FRMPD4: variants seen among roughly 807,000 people sequenced by gnomAD.
FRMPD4 encodes FERM and PDZ domain-containing protein 4.
A neutral mutation model predicts 94.1 loss-of-function variants in FRMPD4; 22 were observed. That is an observed-to-expected ratio of 0.23 (90% CI 0.17 to 0.33). The LOEUF (loss-of-function observed/expected upper bound fraction) is 0.33. Ranked by LOEUF, FRMPD4 falls within the 10% of genes least tolerant of loss-of-function variation. FRMPD4 has a pLI of 1.00. For missense variants in FRMPD4, 1,111 were observed against 1,339.9 expected (o/e 0.83, Z 2.67); for synonymous variants, 631 against 548.6 (o/e 1.15, Z -2.10).
intron 3 of FRMPD4, among the ~76,000 whole-genome samples, chrX:12,035,241 A>T (rs1188635486): frequency 1.8e-5 from 2 of 111,918 alleles, no homozygotes; most frequent in East Asian, 5.6e-4. Flanking sequence ...CTCTTTGGCT[A>T]ACCTTTGTAA....
chrX:11,960,991 G>T (rs1249858451), intron 3 of FRMPD4, among the ~76,000 whole-genome samples: 1 of 112,344 alleles, frequency 8.9e-6, no homozygotes, highest in Admixed American at 9.5e-5. Flanking sequence ...GAATCATAAA[G>T]CAATTTTAGT....
chrX:12,343,819 C>T (rs2147962493), intron 1 of FRMPD4, among the ~76,000 whole-genome samples: 1 of 111,786 alleles, frequency 8.9e-6, no homozygotes, highest in East Asian at 2.8e-4. Flanking sequence ...GCAGCATGAC[C>T]TCAACAGCAG....
intron 1 of FRMPD4, among the ~76,000 whole-genome samples, chrX:12,481,179 C>T (rs936191637): frequency 2.7e-5 from 3 of 110,855 alleles, no homozygotes. Context: ...AGGCATTTAC[C>T]CAACTGCTTT....
At chrX:12,486,872 T>C (rs1361760431) in intron 1 of FRMPD4, among the ~76,000 whole-genome samples, 1 of 112,199 alleles carries the variant, frequency 8.9e-6, no homozygotes, top group African/African-American at 3.2e-5. Flanking sequence ...ATGCCTATCA[T>C]TGGAGCAGAT....
intron 1 of FRMPD4, among the ~76,000 whole-genome samples, chrX:12,353,491 A>G (rs900593050): frequency 8.9e-6 from 1 of 112,098 alleles, no homozygotes; most frequent in Admixed American, 9.4e-5. Flanking sequence ...AAAGTATTTG[A>G]GTTGCTCATC....
intron 1 of FRMPD4, among the ~76,000 whole-genome samples, chrX:12,161,178 A>G (rs2056020142): frequency 1.0e-5 from 1 of 97,817 alleles, no homozygotes; most frequent in Admixed American, 1.2e-4. Flanking sequence ...TTTTTTTTTG[A>G]GACAGTGTCT....
At chrX:12,475,759 A>G (rs902249892) in intron 1 of FRMPD4, among the ~76,000 whole-genome samples, 64 of 112,169 alleles carry the variant, frequency 5.7e-4, no homozygotes, top group African/African-American at 1.9e-3. Context: ...CTTACAAGGG[A>G]TGTGAAGGTC....
chrX:11,851,427 C>A lies in FRMPD4; in HGVS notation c.-160-13659C>A, dbSNP rs773843549. On this transcript the variant is annotated intron_variant, in intron 1 of 18. Coordinates refer to the FRMPD4 transcript ENST00000640291. ...AGAGCTCTGGCTGTGCTTGGTTGCC[C>A]CCTGACTTTTATGTCACATGTTCCA... Among the ~76,000 whole-genome samples, 3 of 110,846 alleles carry A rather than the reference C, an allele frequency of 2.7e-5. No individual in the cohort carries two copies. The South Asian group carries it at 1.2e-3, about 43-fold the overall frequency.
intron 2 of FRMPD4, among the ~76,000 whole-genome samples, chrX:12,566,470 C>CA (rs947491711): frequency 3.6e-5 from 4 of 110,771 alleles, no homozygotes; most frequent in African/African-American, 6.6e-5. Context: ...ATTTCTCTTA[C>CA]AAAAAAAAGA....
chrX:12,561,438 T>C (rs185625677), intron 2 of FRMPD4, among the ~76,000 whole-genome samples: 1 of 112,287 alleles, frequency 8.9e-6, no homozygotes, highest in East Asian at 2.8e-4. Flanking sequence ...TTAATTTTCC[T>C]ACAAGGTGCT....
chrX:11,912,534 G>A (rs2054002044), intron 3 of FRMPD4, among the ~76,000 whole-genome samples: 1 of 111,656 alleles, frequency 9.0e-6, no homozygotes, highest in Non-Finnish European at 1.9e-5. Flanking sequence ...GAATCTGCTG[G>A]CCTGATAAGC....
intron 4 of FRMPD4, among the ~76,000 whole-genome samples, chrX:12,651,371 G>GA (rs1275593166): frequency 9.7e-6 from 1 of 103,399 alleles, no homozygotes; most frequent in African/African-American, 3.6e-5. Context: ...AATCTTCAAG[G>GA]AAAAATAATA....
At chrX:12,287,161 G>A (rs1254208974) in intron 1 of FRMPD4, among the ~76,000 whole-genome samples, 1 of 112,385 alleles carries the variant, frequency 8.9e-6, no homozygotes, top group Admixed American at 9.4e-5. Context: ...TGTTTACTTA[G>A]GGAGATGATT....
chrX:11,841,070 G>T (rs1263871097), intron 1 of FRMPD4, among the ~76,000 whole-genome samples: 46 of 109,968 alleles, frequency 4.2e-4, no homozygotes, highest in African/African-American at 6.3e-4. Context: ...CAAAGGACAT[G>T]AGCTCATCAT....
At chrX:12,222,633 T>C (rs1213362335) in intron 1 of FRMPD4, among the ~76,000 whole-genome samples, 1 of 112,508 alleles carries the variant, frequency 8.9e-6, no homozygotes, top group Admixed American at 9.4e-5. Context: ...AGTTCGTATG[T>C]GCTTGCTTGC....
intron 4 of FRMPD4, among the ~76,000 whole-genome samples, chrX:12,668,852 G>A (rs1186174265): frequency 1.8e-5 from 2 of 110,806 alleles, no homozygotes; most frequent in Non-Finnish European, 1.9e-5. Context: ...TGATCCACCC[G>A]CCTCGGCCTC....
intron 5 of FRMPD4, among the ~76,000 whole-genome samples, chrX:12,678,573 C>G (rs1303696216): frequency 8.9e-6 from 1 of 112,370 alleles, no homozygotes; most frequent in Non-Finnish European, 1.9e-5. Flanking sequence ...CGCCTGTAAT[C>G]CCAGCACTTT....
At chrX:11,908,593 C>G (rs149060208) in intron 3 of FRMPD4, among the ~76,000 whole-genome samples, 18 of 111,777 alleles carry the variant, frequency 1.6e-4, no homozygotes, top group African/African-American at 5.9e-4. Flanking sequence ...ACACTGCTAG[C>G]CCCATGTGAC....
chrX:12,170,794 G>A (rs2056206644), intron 1 of FRMPD4, among the ~76,000 whole-genome samples: 1 of 112,744 alleles, frequency 8.9e-6, no homozygotes, highest in Admixed American at 9.3e-5. Flanking sequence ...GTGAACTCTG[G>A]AGCTTAACTC....
Sources: allele counts gnomAD v4.1 joint callset (sites outside exome capture counted in the v4.1 genomes callset), GRCh38; gene constraint gnomAD v4.1.1; transcripts MANE v1.5; gene names NCBI Gene and HGNC (gene_info 2026-07-23, HGNC 2026-07-21).